The following MYO1B variants were observed in gnomAD, a reference collection of about 807,000 sequenced individuals.
MYO1B encodes the protein myosin IB, also known as unconventional myosin-Ib.
MYO1B carries 72 observed loss-of-function variants against 159.7 expected under a neutral mutation model. The observed-to-expected ratio is 0.45, with a 90% confidence interval of 0.37 to 0.55. The LOEUF (loss-of-function observed/expected upper bound fraction) is 0.55, where lower values mean the gene tolerates loss of function less well. Ranked by LOEUF, MYO1B falls within the 20% of genes least tolerant of loss-of-function variation. MYO1B has a pLI of 0.00. For missense variants in MYO1B, 1,062 were observed against 1,364.8 expected (o/e 0.78, Z 3.50); for synonymous variants, 468 against 473.8 (o/e 0.99, Z 0.16).
chr2:191,417,201 C>T, intron 30 of MYO1B, among the ~76,000 whole-genome samples: 1 of 152,158 alleles, frequency 6.6e-6, no homozygotes, highest in Non-Finnish European at 1.5e-5. Context: ...GTCAGACTCT[C>T]TTTGATATGT....
chr2:191,360,122 G>C (rs1323834280), intron 7 of MYO1B, among the ~76,000 whole-genome samples: 1 of 152,206 alleles, frequency 6.6e-6, no homozygotes, highest in Non-Finnish European at 1.5e-5. Flanking sequence ...TGCCAACTGA[G>C]TTATGTAAAC....
chr2:191,349,437 A>G (rs1692775158), intron 6 of MYO1B, among the ~76,000 whole-genome samples: 1 of 152,206 alleles, frequency 6.6e-6, no homozygotes. Context: ...TATTAGATCA[A>G]CACACACTTT....
chr2:191,322,359 C>T (rs1279347229), intron 3 of MYO1B, among the ~76,000 whole-genome samples: 1 of 152,140 alleles, frequency 6.6e-6, no homozygotes, highest in East Asian at 1.9e-4. Context: ...AATTTAGTCT[C>T]TCTAAATCCC....
chr2:191,388,567 A>C (rs1234166820), intron 17 of MYO1B, among the ~76,000 whole-genome samples: 1 of 152,184 alleles, frequency 6.6e-6, no homozygotes, highest in Non-Finnish European at 1.5e-5. Flanking sequence ...ATTTATATTT[A>C]CAGAAATGTA....
intron 29 of MYO1B, among the ~76,000 whole-genome samples, chr2:191,415,538 T>C (rs980506643): frequency 6.6e-6 from 1 of 152,124 alleles, no homozygotes; most frequent in African/African-American, 2.4e-5. Flanking sequence ...GCCATACCCC[T>C]ATGAAATCAA....
rs753618957 is a variant in MYO1B at position 191,385,940 on chromosome 2, C to T, written c.1410C>T (p.Val470=). The T allele has an allele frequency of 9.9e-6, 16 of 1,614,194 alleles. No homozygotes were observed. In the South Asian group the frequency reaches 1.4e-4, roughly 14 times the overall value. ...LDEECLRPGT[V]TDETFLEKLN... ...AAGAGTGCCTCAGACCTGGCACAGT[C>T]ACTGATGAGACCTTCTTAGAAAAGC... Residue 470 remains valine (V), a synonymous_variant, in exon 16 of 31, where the codon GTC becomes GTT. Coordinates refer to ENST00000392318, the MANE Select transcript of MYO1B (RefSeq NM_001130158.3).
chr2:191,347,711 C>T (rs1385750119), intron 6 of MYO1B, among the ~76,000 whole-genome samples: 4 of 152,080 alleles, frequency 2.6e-5, no homozygotes, highest in African/African-American at 9.7e-5. Flanking sequence ...ATTTCATGCC[C>T]AGTTTTTAGC....
chr2:191,322,795 A>G (rs1690810507), intron 3 of MYO1B, among the ~76,000 whole-genome samples: 1 of 152,160 alleles, frequency 6.6e-6, no homozygotes, highest in African/African-American at 2.4e-5. Context: ...GTCCCAATCC[A>G]GACCCCAAGA....
intron 3 of MYO1B, among the ~76,000 whole-genome samples, chr2:191,313,611 C>T (rs1168365406): frequency 6.6e-6 from 1 of 152,176 alleles, no homozygotes; most frequent in East Asian, 1.9e-4. Flanking sequence ...GTCTCGATCT[C>T]CTGACCTCGT....
chr2:191,252,822 G>A (rs1279906068), intron 1 of MYO1B, among the ~76,000 whole-genome samples: 1 of 152,140 alleles, frequency 6.6e-6, no homozygotes, highest in Non-Finnish European at 1.5e-5. Context: ...TTCACTGTTT[G>A]TGCTAATAGC....
intron 12 of MYO1B, among the ~76,000 whole-genome samples, 196 bp downstream of exon 12, chr2:191,369,824 T>C (rs924888244): frequency 1.3e-5 from 2 of 152,252 alleles, no homozygotes; most frequent in Non-Finnish European, 2.9e-5. Context: ...TGTGTGTTGC[T>C]TCTGACTGGT....
chr2:191,284,020 G>C (rs1484082884), intron 2 of MYO1B, among the ~76,000 whole-genome samples: 2 of 152,204 alleles, frequency 1.3e-5, no homozygotes, highest in African/African-American at 2.4e-5. Context: ...CAATTCAAAG[G>C]AAAAGTGATA....
intron 7 of MYO1B, among the ~76,000 whole-genome samples, chr2:191,358,101 T>C (rs1242823455): frequency 6.6e-6 from 1 of 152,192 alleles, no homozygotes; most frequent in East Asian, 1.9e-4. Context: ...TTTAAGGACA[T>C]TGCTTTTTTT....
intron 5 of MYO1B, among the ~76,000 whole-genome samples, chr2:191,342,331 C>T (rs1312374790): frequency 1.3e-5 from 2 of 152,198 alleles, no homozygotes; most frequent in African/African-American, 2.4e-5. Flanking sequence ...CACCTTGATT[C>T]CTTCCCACAA....
chr2:191,264,371 A>G (rs904023862), intron 1 of MYO1B, among the ~76,000 whole-genome samples: 31 of 152,170 alleles, frequency 2.0e-4, no homozygotes, highest in Non-Finnish European at 4.0e-4. Context: ...TTATTATTCT[A>G]AAAAACTTTT....
At chr2:191,292,034 A>T (rs1408328829) in intron 2 of MYO1B, among the ~76,000 whole-genome samples, 1 of 152,250 alleles carries the variant, frequency 6.6e-6, no homozygotes, top group Non-Finnish European at 1.5e-5. Flanking sequence ...TAATGCACAT[A>T]GAACTTTGAG....
intron 1 of MYO1B, among the ~76,000 whole-genome samples, chr2:191,257,719 G>A (rs554186889): frequency 6.6e-6 from 1 of 152,346 alleles, no homozygotes; most frequent in African/African-American, 2.4e-5. Flanking sequence ...GTGGGTTACA[G>A]TAATGTTACC....
intron 2 of MYO1B, 95 bp downstream of exon 2, chr2:191,277,125 C>T (rs1487476791): frequency 6.8e-7 from 1 of 1,460,722 alleles, no homozygotes; most frequent in Non-Finnish European, 9.3e-7. Flanking sequence ...TCTTTTTTCT[C>T]TCTGTTTGAG....
At chr2:191,303,115 G>T (rs1371356518) in intron 3 of MYO1B, among the ~76,000 whole-genome samples, 1 of 152,154 alleles carries the variant, frequency 6.6e-6, no homozygotes, top group African/African-American at 2.4e-5. Context: ...CAGTGCTGTG[G>T]TTGAGTATAC....
Sources: allele counts gnomAD v4.1 joint callset (sites outside exome capture counted in the v4.1 genomes callset), GRCh38; gene constraint gnomAD v4.1.1; transcripts MANE v1.5; gene names NCBI Gene and HGNC (gene_info 2026-07-23, HGNC 2026-07-21).